KIAA1217: variants seen among roughly 807,000 people sequenced by gnomAD.
KIAA1217 encodes the protein KIAA1217.
KIAA1217 carries 88 observed loss-of-function variants against 163.9 expected under a neutral mutation model. The ratio of observed to expected loss-of-function variants is 0.54; its 90% CI spans 0.45 to 0.64. The LOEUF (loss-of-function observed/expected upper bound fraction) is 0.64, where lower values mean the gene tolerates loss of function less well. KIAA1217 is among the 30% of genes least tolerant of loss of function. The probability of loss-of-function intolerance (pLI) is 0.00; values close to 1 mark genes in which losing one functional copy is unlikely to be tolerated. For missense variants in KIAA1217, 2,372 were observed against 2,475.0 expected (o/e 0.96, Z 0.88); for synonymous variants, 903 against 923.1 (o/e 0.98, Z 0.39).
intron 1 of KIAA1217, among the ~76,000 whole-genome samples, chr10:23,967,902 T>C (rs1031836960): frequency 9.6e-6 from 1 of 103,682 alleles, no homozygotes; most frequent in African/African-American, 9.5e-5. Context: ...ATATTAAATG[T>C]GTGTGTGTGT....
At chr10:24,087,803 A>G (rs889178186) in intron 2 of KIAA1217, among the ~76,000 whole-genome samples, 1 of 152,136 alleles carries the variant, frequency 6.6e-6, no homozygotes, top group African/African-American at 2.4e-5. Context: ...CACTCTTTCC[A>G]CACTTATGCA....
At position 24,543,147 on chromosome 10, in the gene KIAA1217, A is replaced by G. The variant is rs374094244; in HGVS notation, c.3877A>G (p.Ile1293Val). ...GSKISGLQYS[I>V]PDTENQTLNY... ...TAAAATCTCAGGCCTGCAATACTCT[A>G]TACCTGACACCGAGAACCAGACGCT... Residue 1293 changes from isoleucine (I) to valine (V), a missense_variant, in exon 19 of 21, where the codon ATA becomes GTA. By Grantham distance (29) the Ile-to-Val change is conservative (BLOSUM62 3). This residue lies in a region of KIAA1217 where 251 missense variants were observed against 327.3 expected (regional missense o/e 0.77). Transcript: ENST00000376454. The G allele has an allele frequency of 3.0e-5, 48 of 1,613,594 alleles. 1 individual carries two copies. In the East Asian group the frequency reaches 1.1e-3, roughly 36 times the overall value.
chr10:24,545,411 C>A (rs1592856713), intron 20 of KIAA1217: 1 of 1,305,578 alleles, frequency 7.7e-7, no homozygotes, highest in East Asian at 3.2e-5. Flanking sequence ...CCTCGGGAAG[C>A]AGAGACAAAC....
chr10:24,155,068 G>T (rs1227779336), intron 2 of KIAA1217, among the ~76,000 whole-genome samples: 2 of 152,188 alleles, frequency 1.3e-5, no homozygotes, highest in African/African-American at 4.8e-5. Context: ...GGCGATGGTT[G>T]CAGATGAGTG....
intron 17 of KIAA1217, 74 bp from the exon 18 acceptor site, chr10:24,542,619 A>G (rs936310591): frequency 2.5e-5 from 40 of 1,583,474 alleles, no homozygotes; most frequent in Non-Finnish European, 3.3e-5. Context: ...AATTAAAGGA[A>G]CGATTTAGTT....
chr10:23,800,916 G>A (rs1005171689), intron 1 of KIAA1217, among the ~76,000 whole-genome samples: 1 of 152,098 alleles, frequency 6.6e-6, no homozygotes, highest in Non-Finnish European at 1.5e-5. Context: ...ACATAGTGTG[G>A]CAATTTCTCA....
chr10:24,484,358 C>T (rs1338384678), intron 6 of KIAA1217, among the ~76,000 whole-genome samples: 3 of 148,722 alleles, frequency 2.0e-5, no homozygotes, highest in African/African-American at 7.5e-5. Context: ...AATTCTCCTG[C>T]CTCAGCCTCC....
intron 1 of KIAA1217, among the ~76,000 whole-genome samples, chr10:23,877,939 C>G (rs908912497): frequency 1.3e-5 from 2 of 151,906 alleles, no homozygotes; most frequent in African/African-American, 2.4e-5. Context: ...TCTTGTCAAG[C>G]TCCCACAGAG....
intron 2 of KIAA1217, among the ~76,000 whole-genome samples, chr10:24,197,241 T>G (rs2067031703): frequency 6.6e-6 from 1 of 152,188 alleles, no homozygotes. Context: ...TCATTAGACT[T>G]CTTGACAACT....
At chr10:24,429,337 C>T (rs1002140277) in intron 3 of KIAA1217, among the ~76,000 whole-genome samples, 1 of 152,074 alleles carries the variant, frequency 6.6e-6, no homozygotes, top group African/African-American at 2.4e-5. Flanking sequence ...TTACAATCTG[C>T]GATCTCATGT....
intron 2 of KIAA1217, among the ~76,000 whole-genome samples, chr10:24,027,828 G>A (rs536248434): frequency 1.9e-4 from 29 of 152,106 alleles, no homozygotes; most frequent in East Asian, 9.7e-4. Context: ...AAGACCTATC[G>A]CCCAATCAGA....
At chr10:24,404,949 G>A (rs4601665) in intron 3 of KIAA1217, among the ~76,000 whole-genome samples, 58,581 of 152,036 alleles carry the variant, frequency 0.39, 11,450 homozygotes, top group Middle Eastern at 0.45. Context: ...GATGCAGAAC[G>A]GATTAGTAGA....
At chr10:24,227,700 T>C (rs971909525) in intron 2 of KIAA1217, among the ~76,000 whole-genome samples, 1 of 151,802 alleles carries the variant, frequency 6.6e-6, no homozygotes, top group African/African-American at 2.4e-5. Flanking sequence ...GCCCGGCTAA[T>C]TTTTTGTATT....
chr10:24,375,844 C>A (rs749743273), intron 2 of KIAA1217, among the ~76,000 whole-genome samples: 2 of 152,200 alleles, frequency 1.3e-5, no homozygotes, highest in Non-Finnish European at 2.9e-5. Context: ...GCCAGACACC[C>A]CACTGTTCCT....
At chr10:24,333,256 C>T (rs981146007) in intron 2 of KIAA1217, among the ~76,000 whole-genome samples, 1 of 152,106 alleles carries the variant, frequency 6.6e-6, no homozygotes, top group Non-Finnish European at 1.5e-5. Flanking sequence ...AACTCCTGAC[C>T]TCAAGTGATC....
intron 2 of KIAA1217, among the ~76,000 whole-genome samples, chr10:24,227,143 GATTATT>G (rs56348020): frequency 2.0e-5 from 3 of 148,848 alleles, no homozygotes; most frequent in South Asian, 2.1e-4. Context: ...GATATAAAGG[GATTATT>G]ATTATTATTA....
chr10:24,322,144 G>T (rs2044250404), intron 2 of KIAA1217, among the ~76,000 whole-genome samples: 1 of 152,142 alleles, frequency 6.6e-6, no homozygotes, highest in Admixed American at 6.5e-5. Flanking sequence ...GGCAGAGATG[G>T]TGTTTTACCA....
chr10:23,779,142 A>G (rs2130898070), intron 1 of KIAA1217, among the ~76,000 whole-genome samples: 1 of 152,154 alleles, frequency 6.6e-6, no homozygotes, highest in African/African-American at 2.4e-5. Flanking sequence ...AGTATCTATA[A>G]CTCTTGTCTT....
chr10:23,916,694 C>T (rs1842643287), intron 1 of KIAA1217, among the ~76,000 whole-genome samples: 1 of 152,108 alleles, frequency 6.6e-6, no homozygotes, highest in Admixed American at 6.5e-5. Context: ...GTTTGGCTGG[C>T]AGGGCGCAGT....
Sources: allele counts gnomAD v4.1 joint callset (sites outside exome capture counted in the v4.1 genomes callset), GRCh38; gene constraint gnomAD v4.1.1; regional missense constraint gnomAD v4.1.1; transcripts MANE v1.5; gene names NCBI Gene and HGNC (gene_info 2026-07-23, HGNC 2026-07-21).